B3GAT1: variants seen among roughly 807,000 people sequenced by gnomAD.
B3GAT1 encodes beta-1,3-glucuronyltransferase 1, also known as galactosylgalactosylxylosylprotein 3-beta-glucuronosyltransferase 1.
Under a neutral mutation model 28.4 loss-of-function variants are expected in B3GAT1, and 11 were observed. The ratio of observed to expected loss-of-function variants is 0.39; its 90% CI spans 0.24 to 0.64. The LOEUF (loss-of-function observed/expected upper bound fraction) is 0.64. B3GAT1 is among the 30% of genes least tolerant of loss of function. B3GAT1 has a pLI of 0.50. For missense variants in B3GAT1, 375 were observed against 491.0 expected, an observed-to-expected ratio of 0.76 and a Z score of 2.23; for synonymous variants, 255 against 223.1, an observed-to-expected ratio of 1.14 and a Z score of -1.27.
Position 134,383,952 on chromosome 11 carries a change from A to G in B3GAT1, c.349T>C (p.Trp117Arg). The G allele has an allele frequency of 6.3e-7, 1 of 1,599,488 alleles. No individual in the cohort carries two copies. Among genetic ancestry groups the G allele is most frequent in the Non-Finnish European group, 8.5e-7 (1 of 1,177,604 alleles). ...NTLLHVPNLH[W>R]LVVEDAPRRT... ...CGCGGCGCATCCTCCACCACCAGCC[A>G]GTGGAGGTTGGGCACGTGCAGCAGC... The change falls in exon 3 of 6, where the codon TGG becomes CGG. Residue 117 changes from tryptophan (W) to arginine (R), a missense_variant. Transcript: ENST00000312527.
At chr11:134,410,309 T>C (rs933886082) in intron 1 of B3GAT1, among the ~76,000 whole-genome samples, 2 of 152,184 alleles carry the variant, frequency 1.3e-5, no homozygotes, top group Non-Finnish European at 2.9e-5. Flanking sequence ...CCTGGAGTGA[T>C]CCCCAAGCAT....
At chr11:134,399,015 C>G (rs754576540) in intron 1 of B3GAT1, among the ~76,000 whole-genome samples, 1 of 152,198 alleles carries the variant, frequency 6.6e-6, no homozygotes, top group Non-Finnish European at 1.5e-5. Flanking sequence ...CCACTGCTAC[C>G]TGCTTGCAGG....
intron 5 of B3GAT1, chr11:134,381,655 A>T (rs1944125713): frequency 2.3e-6 from 1 of 430,016 alleles, no homozygotes; most frequent in African/African-American, 2.0e-5. Context: ...CGTCACTGCC[A>T]GCAGAAAAAT....
At chr11:134,390,155 G>C (rs964527763) in intron 1 of B3GAT1, 1 of 152,272 alleles carries the variant, frequency 6.6e-6, no homozygotes, top group African/African-American at 2.4e-5. Flanking sequence ...TGCTGGCCCA[G>C]TGAGGGACAG....
chr11:134,385,380 A>C (rs1944253223), intron 2 of B3GAT1: 1 of 152,310 alleles, frequency 6.6e-6, no homozygotes, highest in South Asian at 2.1e-4. Context: ...AGCTCATCTG[A>C]ACGGACCCAG....
At chr11:134,400,198 C>A (rs936501815) in intron 1 of B3GAT1, among the ~76,000 whole-genome samples, 2 of 152,164 alleles carry the variant, frequency 1.3e-5, no homozygotes, top group Non-Finnish European at 2.9e-5. Flanking sequence ...AAGGTGCACA[C>A]ACTGTGGGAC....
rs985665886 is a variant in B3GAT1 at position 134,387,701 on chromosome 11, G to C, written c.-42C>G. The C allele has an allele frequency of 6.2e-7, 1 of 1,612,466 alleles. No homozygotes were observed. Among genetic ancestry groups the C allele is most frequent in the African/African-American group, 1.3e-5 (1 of 74,912 alleles). ...ACCCACGGCTCCTCATTACCTGAGTGGCGGTAAGTTCAGGAGAGGGGCGGC... is the reference window on the plus strand; with the variant it reads ...ACCCACGGCTCCTCATTACCTGAGTCGCGGTAAGTTCAGGAGAGGGGCGGC... On this transcript the variant is annotated 5_prime_UTR_variant, in exon 2 of 6. Coordinates refer to ENST00000312527, the MANE Select transcript of B3GAT1 (RefSeq NM_054025.3).
Position 134,380,460 on chromosome 11 carries a change from G to T in B3GAT1, c.*302C>A. 1 of 152,678 alleles carries T rather than the reference G, an allele frequency of 6.5e-6. No homozygotes were observed. The allele number at this position is 152,678 out of a possible 1,614,324, so 9.5% of individuals were successfully genotyped here. A position where few individuals can be genotyped will look rare whatever the true frequency, so the allele number is the denominator to read the frequency against. On this transcript the variant is annotated 3_prime_UTR_variant, in exon 6 of 6. Coordinates refer to ENST00000312527, the MANE Select transcript of B3GAT1 (RefSeq NM_054025.3). Reference sequence around the variant, plus strand: ...CCTGCTCCTGCAGCCCCGTCAGTGCGGGGAGCTCTGGGGAGGTGCGCTGGA... The same window carrying T: ...CCTGCTCCTGCAGCCCCGTCAGTGCTGGGAGCTCTGGGGAGGTGCGCTGGA...
chr11:134,383,807 C>T lies in B3GAT1; in HGVS notation c.494G>A (p.Arg165Gln), dbSNP rs1293674478. Reference sequence around the variant, plus strand: ...GGCCAGGTTGCGCTGCATGGTGCCCCGCGGGATGCGTGGGTCGCGGGCGTC... The same window carrying T: ...GGCCAGGTTGCGCTGCATGGTGCCCTGCGGGATGCGTGGGTCGCGGGCGTC... ...RGDARDPRIP[R>Q]GTMQRNLALR... The change falls in exon 3 of 6, where the codon CGG becomes CAG. Residue 165 changes from arginine (R) to glutamine (Q), a missense_variant. Physicochemically the swap from Arg to Gln is conservative, Grantham distance 43. Transcript: ENST00000312527. 1.3e-6 allele frequency: 2 copies of T among 1,596,052 alleles called. No homozygotes were observed. The highest frequency in any genetic ancestry group is 8.5e-7 in the Non-Finnish European group (1 of 1,172,472).
intron 1 of B3GAT1, among the ~76,000 whole-genome samples, chr11:134,395,959 A>G (rs1416997276): frequency 1.3e-5 from 2 of 152,138 alleles, no homozygotes; most frequent in African/African-American, 4.8e-5. Flanking sequence ...TGGTGGTGGG[A>G]ATGCGGGCCA....
At chr11:134,404,002 T>C (rs1421821852) in intron 1 of B3GAT1, among the ~76,000 whole-genome samples, 2 of 86,978 alleles carry the variant, frequency 2.3e-5, no homozygotes, top group African/African-American at 9.1e-5. Context: ...TATATATATA[T>C]ATATATATAT....
In B3GAT1 at chr11:134,383,546, C is replaced by T. The variant is rs1944186913; in HGVS notation, c.621+134G>A. On this transcript the variant is annotated intron_variant, in intron 3 of 5. Transcript: ENST00000312527. ...TTCCATCCCTTTCCCTGGCTCTCTG[C>T]TGCCTGCCCCGCTCCCAGCCCGGCT... The T allele has an allele frequency of 5.7e-5, 70 of 1,219,062 alleles. No individual in the cohort carries two copies. The East Asian group carries it at 1.8e-3, about 32-fold the overall frequency. The allele number at this position is 1,219,062 out of a possible 1,614,324, so 75.5% of individuals were successfully genotyped here.
intron 1 of B3GAT1, among the ~76,000 whole-genome samples, chr11:134,403,374 T>A (rs1944658692): frequency 6.6e-6 from 1 of 152,126 alleles, no homozygotes; most frequent in East Asian, 1.9e-4. Flanking sequence ...GTCCCTCCAC[T>A]TGCTGAGTTG....
intron 1 of B3GAT1, among the ~76,000 whole-genome samples, chr11:134,394,229 A>G (rs1444982813): frequency 6.6e-6 from 1 of 152,230 alleles, no homozygotes; most frequent in Non-Finnish European, 1.5e-5. Flanking sequence ...ACATTGAAAC[A>G]GTAAGACTCC....
At chr11:134,402,611 T>TA (rs1399376995) in intron 1 of B3GAT1, among the ~76,000 whole-genome samples, 1 of 152,112 alleles carries the variant, frequency 6.6e-6, no homozygotes, top group Non-Finnish European at 1.5e-5. Flanking sequence ...AAGAAACAAT[T>TA]AACATAAAAT....
intron 1 of B3GAT1, among the ~76,000 whole-genome samples, chr11:134,405,844 G>A (rs1944721199): frequency 6.6e-6 from 1 of 152,190 alleles, no homozygotes; most frequent in Admixed American, 6.5e-5. Flanking sequence ...AGGTAGCCTG[G>A]GGTGTCCAGC....
intron 1 of B3GAT1, among the ~76,000 whole-genome samples, chr11:134,406,228 C>G (rs972750127): frequency 6.6e-6 from 1 of 152,246 alleles, no homozygotes; most frequent in Non-Finnish European, 1.5e-5. Flanking sequence ...CTCTCACATC[C>G]CTTCCTCCAT....
intron 1 of B3GAT1, chr11:134,389,354 AG>A (rs941341234): frequency 6.6e-6 from 1 of 152,382 alleles, no homozygotes; most frequent in African/African-American, 2.4e-5. Flanking sequence ...CAGCAAGAAG[AG>A]GGGTCCCCGC....
intron 2 of B3GAT1, chr11:134,386,162 G>A (rs1321911263): frequency 2.0e-5 from 3 of 152,236 alleles, no homozygotes; most frequent in Admixed American, 1.3e-4. Context: ...TGTTGAGCTT[G>A]GCCCTTCCTC....
Sources: allele counts gnomAD v4.1 joint callset (sites outside exome capture counted in the v4.1 genomes callset), GRCh38; gene constraint gnomAD v4.1.1; transcripts MANE v1.5; gene names NCBI Gene and HGNC (gene_info 2026-07-23, HGNC 2026-07-21).